MTRF1: variants seen among roughly 807,000 people sequenced by gnomAD.
MTRF1 encodes mitochondrial translation release factor 1.
MTRF1 carries 51 observed loss-of-function variants against 62.9 expected under a neutral mutation model. The observed-to-expected ratio is 0.81, with a 90% CI of 0.65 to 1.02. The LOEUF (loss-of-function observed/expected upper bound fraction) is 1.02. Ranked by LOEUF, MTRF1 falls within the 50% of genes least tolerant of loss-of-function variation. The pLI is 0.00. For missense variants in MTRF1, 446 were observed against 530.0 expected (o/e 0.84, Z 1.56); for synonymous variants, 158 against 181.9 (o/e 0.87, Z 1.06).
intron 6 of MTRF1, among the ~76,000 whole-genome samples, chr13:41,237,580 T>G (rs1158727266): frequency 6.6e-6 from 1 of 152,202 alleles, no homozygotes; most frequent in East Asian, 1.9e-4. Context: ...CACTGCAACC[T>G]CCGCCTCATG....
intron 9 of MTRF1, among the ~76,000 whole-genome samples, chr13:41,221,409 C>T (rs1451886796): frequency 1.3e-5 from 2 of 152,094 alleles, no homozygotes; most frequent in Admixed American, 6.5e-5. Flanking sequence ...CTGCCCACCT[C>T]GGCCTCCCAA....
the MTRF1 span, among the ~76,000 whole-genome samples, chr13:41,295,061 T>G: frequency 6.6e-6 from 1 of 152,206 alleles, no homozygotes; most frequent in Non-Finnish European, 1.5e-5. Context: ...GCATGTGATT[T>G]GCAGGTCACA....
intron 2 of MTRF1, among the ~76,000 whole-genome samples, chr13:41,258,404 C>A (rs143371004): frequency 3.3e-5 from 5 of 151,518 alleles, no homozygotes; most frequent in African/African-American, 1.2e-4. Context: ...TAAAAATTTT[C>A]GAAAATTTTC....
chr13:41,276,824 A>G, the MTRF1 span, among the ~76,000 whole-genome samples: 1 of 152,212 alleles, frequency 6.6e-6, no homozygotes, highest in Admixed American at 6.5e-5. Flanking sequence ...AAGGTCCTAC[A>G]GATAACATCA....
chr13:41,233,887 T>C lies in MTRF1; in HGVS notation c.988+3A>G, dbSNP rs768387296. On this transcript the variant is annotated splice_donor_region_variant and intron_variant, in intron 7 of 9. Transcript: ENST00000379480. Reference sequence around the variant, plus strand: ...AAAGTACAAAGCCAAGGGGCTTGCTTACCTGTGGGGATGTGGACAAGTCTG... The same window carrying C: ...AAAGTACAAAGCCAAGGGGCTTGCTCACCTGTGGGGATGTGGACAAGTCTG... 1 of 1,606,468 alleles carries C rather than the reference T, an allele frequency of 6.2e-7. No homozygotes were observed. Among genetic ancestry groups the C allele is most frequent in the South Asian group, 1.1e-5 (1 of 90,882 alleles).
intron 6 of MTRF1, among the ~76,000 whole-genome samples, chr13:41,239,359 C>T (rs2065499): frequency 0.64 from 96,846 of 151,974 alleles, 31,116 homozygotes; most frequent in Admixed American, 0.66. Flanking sequence ...AGTGTGCTTA[C>T]ATCGGAGAAT....
intron 3 of MTRF1, among the ~76,000 whole-genome samples, chr13:41,254,178 C>T (rs985589829): frequency 6.6e-6 from 1 of 152,178 alleles, no homozygotes; most frequent in Non-Finnish European, 1.5e-5. Flanking sequence ...AATTTCCAAT[C>T]CTTAATTAAC....
the MTRF1 span, among the ~76,000 whole-genome samples, chr13:41,280,533 A>G: frequency 2.0e-5 from 3 of 152,216 alleles, no homozygotes. Flanking sequence ...TTGGCTCAGA[A>G]TAAATCTCTT....
At chr13:41,278,378 G>T in the MTRF1 span, among the ~76,000 whole-genome samples, 1 of 152,188 alleles carries the variant, frequency 6.6e-6, no homozygotes, top group Non-Finnish European at 1.5e-5. Flanking sequence ...AAGCATAGGG[G>T]CTCAAAGGCC....
chr13:41,263,155 T>G (rs1360296883), intron 1 of MTRF1: 3 of 634,828 alleles, frequency 4.7e-6, no homozygotes, highest in Non-Finnish European at 7.6e-6. Flanking sequence ...GTACGAATAC[T>G]TATTGCTAAA....
At chr13:41,301,082 C>A in the MTRF1 span, among the ~76,000 whole-genome samples, 1 of 152,010 alleles carries the variant, frequency 6.6e-6, no homozygotes, top group Non-Finnish European at 1.5e-5. Context: ...GTGTCTAGTA[C>A]AGAGTAAGTG....
upstream of MTRF1, among the ~76,000 whole-genome samples, chr13:41,265,123 C>T (rs190560069): frequency 3.2e-3 from 490 of 152,194 alleles, 2 homozygotes; most frequent in African/African-American, 0.011. Flanking sequence ...GCTTTATTCT[C>T]CTTAAAAAAT....
chr13:41,295,623 G>T, the MTRF1 span, among the ~76,000 whole-genome samples: 1 of 151,804 alleles, frequency 6.6e-6, no homozygotes, highest in East Asian at 1.9e-4. Context: ...TTAGGATTTT[G>T]GTTACTTAGG....
At chr13:41,308,490 G>A in the MTRF1 span, among the ~76,000 whole-genome samples, 92,312 of 151,952 alleles carry the variant, frequency 0.61, 31,015 homozygotes, top group South Asian at 0.75. Flanking sequence ...TAGTAATGCC[G>A]TGGTAAGCAA....
chr13:41,242,868 G>A (rs756663774), intron 5 of MTRF1, among the ~76,000 whole-genome samples: 7 of 152,132 alleles, frequency 4.6e-5, no homozygotes, highest in Non-Finnish European at 1.0e-4. Flanking sequence ...CAGACAGCGG[G>A]AGCCCAGGAG....
upstream of MTRF1, among the ~76,000 whole-genome samples, chr13:41,266,784 A>G (rs1163328473): frequency 6.6e-6 from 1 of 152,026 alleles, no homozygotes; most frequent in Non-Finnish European, 1.5e-5. Flanking sequence ...CGAGGTCAGG[A>G]GATCGAGACC....
intron 6 of MTRF1, among the ~76,000 whole-genome samples, chr13:41,239,640 A>C (rs895574054): frequency 6.6e-5 from 10 of 152,214 alleles, no homozygotes; most frequent in Non-Finnish European, 1.3e-4. Flanking sequence ...CATGGTCCCC[A>C]TACTGATATT....
chr13:41,241,001 T>G (rs1358010520), intron 5 of MTRF1, among the ~76,000 whole-genome samples: 1 of 152,078 alleles, frequency 6.6e-6, no homozygotes, highest in Admixed American at 6.6e-5. Context: ...ATCTATGGAG[T>G]GGGAAGAGTA....
chr13:41,302,663 G>A, the MTRF1 span, among the ~76,000 whole-genome samples: 126 of 152,020 alleles, frequency 8.3e-4, no homozygotes, highest in Non-Finnish European at 1.4e-3. Flanking sequence ...CCAAGTAGCT[G>A]AGACCACAGG....
Sources: gnomAD v4.1 joint callset for allele counts (sites outside exome capture counted in the v4.1 genomes callset) on GRCh38, gnomAD v4.1.1 for gene constraint, MANE v1.5 for transcripts, NCBI Gene and HGNC (gene_info 2026-07-23, HGNC 2026-07-21) for gene names.